PACS2: variants seen among roughly 807,000 people sequenced by gnomAD.
The protein encoded by PACS2 is phosphofurin acidic cluster sorting protein 2.
In PACS2, 36 loss-of-function variants were observed where a neutral mutation model predicts 113.0. The ratio of observed to expected loss-of-function variants is 0.32; its 90% CI spans 0.24 to 0.42. The LOEUF is 0.42. PACS2 is among the 10% of genes least tolerant of loss of function. The pLI, the probability that PACS2 is intolerant of heterozygous loss-of-function variation, is 1.00. For synonymous variants in PACS2, 589 were observed against 536.1 expected, an observed-to-expected ratio of 1.10 and a Z score of -1.36; for missense variants, 1,015 against 1,239.5, an observed-to-expected ratio of 0.82 and a Z score of 2.72.
chr14:105,304,783 T>C (rs2058135856), intron 1 of PACS2, among the ~76,000 whole-genome samples: 1 of 152,254 alleles, frequency 6.6e-6, no homozygotes, highest in Non-Finnish European at 1.5e-5. Context: ...CTTACGTGGA[T>C]GGCAGCAGGG....
At chr14:105,344,072 C>T (rs74646516) in intron 1 of PACS2, among the ~76,000 whole-genome samples, 346 of 151,386 alleles carry the variant, frequency 2.3e-3, no homozygotes, top group Middle Eastern at 6.8e-3. Context: ...TGTGTGCTGC[C>T]GTACTTGGCT....
chr14:105,335,611 A>G (rs2059486262), intron 1 of PACS2, among the ~76,000 whole-genome samples: 1 of 152,164 alleles, frequency 6.6e-6, no homozygotes, highest in South Asian at 2.1e-4. Context: ...ATGGAGACCC[A>G]GTGGTCCTAG....
rs782569016 is a variant in PACS2, at chr14:105,369,837, G to A, written c.742-4G>A. ...GCTCTGACTCTGCACCGCCTGTCTTGCAGCAACAGAACTTCAAGCAGAAAG... is the reference window on the plus strand; with the variant it reads ...GCTCTGACTCTGCACCGCCTGTCTTACAGCAACAGAACTTCAAGCAGAAAG... On this transcript the variant is annotated splice_polypyrimidine_tract_variant and splice_region_variant and intron_variant, in intron 7 of 24. Transcript: ENST00000447393. 6 of 1,590,284 alleles carry A rather than the reference G, an allele frequency of 3.8e-6. No homozygotes were observed. The South Asian group carries it at 6.8e-5, about 18-fold the overall frequency.
intron 4 of PACS2, among the ~76,000 whole-genome samples, chr14:105,364,417 G>GGC (rs2060864860): frequency 7.1e-5 from 9 of 127,642 alleles, no homozygotes; most frequent in Middle Eastern, 3.6e-3. Flanking sequence ...CGCGGTGGGC[G>GGC]GTGTCCCGGG....
At chr14:105,310,462 AGAGCTTGCAGT>A (rs2058321798), upstream of PACS2, among the ~76,000 whole-genome samples, 1 of 146,070 alleles carries the variant, frequency 6.8e-6, no homozygotes, top group South Asian at 2.2e-4. Flanking sequence ...CCCGGGAGGC[AGAGCTTGCAGT>A]GAGCTGAGAT....
rs1265873717 is a variant in PACS2, at chr14:105,365,080, C to CTG, written c.424-2132_424-2131dup. ...GGTCAGGGGTGGAGGGAGCTGGGCCCTGGGGCCACCCTCCCTGGTGAGGCA... is the reference window on the plus strand; with the variant it reads ...GGTCAGGGGTGGAGGGAGCTGGGCCCTGTGGGGCCACCCTCCCTGGTGAGGCA... On this transcript the variant is annotated intron_variant, in intron 4 of 24. Coordinates refer to ENST00000447393, the MANE Select transcript of PACS2 (RefSeq NM_001100913.3). This position sits in a 1 kb window ranked among gnomAD's most constrained non-coding sequence, Gnocchi z 5.1. 1.3e-5 allele frequency among the ~76,000 whole-genome samples: 2 copies of CTG among 152,218 alleles called. No homozygotes were observed. Among genetic ancestry groups the CTG allele is most frequent in the Non-Finnish European group, 2.9e-5 (2 of 68,030 alleles).
chr14:105,392,981 G>T, intron 23 of PACS2, 136 bp downstream of exon 23: 2 of 724,084 alleles, frequency 2.8e-6, no homozygotes, highest in East Asian at 2.7e-5. Flanking sequence ...GGCGGGTGGG[G>T]TGAGGGAGCC....
chr14:105,385,069 C>A, intron 18 of PACS2, 82 bp downstream of exon 18: 3 of 924,616 alleles, frequency 3.2e-6, no homozygotes, highest in Non-Finnish European at 5.2e-6. Context: ...CGCTGCTGGG[C>A]TTGGCCTGGT....
upstream of PACS2, among the ~76,000 whole-genome samples, chr14:105,312,375 A>T (rs2140711669): frequency 6.6e-6 from 1 of 152,340 alleles, no homozygotes; most frequent in South Asian, 2.1e-4. Flanking sequence ...CCCGGGCAGC[A>T]CGTGGTAGGA....
chr14:105,377,060 C>T, intron 9 of PACS2, 135 bp downstream of exon 9: 1 of 934,714 alleles, frequency 1.1e-6, no homozygotes. Flanking sequence ...CCTGGGAAGG[C>T]TCTGGTGGCT....
At position 105,395,957 on chromosome 14, in the gene PACS2, A is replaced by G. The variant is rs150604893; in HGVS notation, c.*1285A>G. On this transcript the variant is annotated 3_prime_UTR_variant, in exon 25 of 25. Transcript: ENST00000447393. Reference sequence around the variant, plus strand: ...GGGGCTCTTGGCCTGGTTTCGTAAGATGGAGCACTGCAAAAGGCCATGCTC... The same window carrying G: ...GGGGCTCTTGGCCTGGTTTCGTAAGGTGGAGCACTGCAAAAGGCCATGCTC... 1 of 152,348 alleles carries G rather than the reference A, an allele frequency of 6.6e-6. No individual in the cohort carries two copies. The highest frequency in any genetic ancestry group is 1.5e-5 in the Non-Finnish European group (1 of 68,064). 9.4% of individuals were successfully genotyped at this position (152,348 alleles called of 1,614,324 possible).
intron 5 of PACS2, 47 bp from the exon 6 acceptor site, chr14:105,368,027 C>A: frequency 7.6e-7 from 1 of 1,313,782 alleles, no homozygotes; most frequent in South Asian, 1.2e-5. Flanking sequence ...CCTGGTTTCC[C>A]GGGTGGAATC....
chr14:105,382,854 G>C lies in PACS2; in HGVS notation c.1566G>C (p.Thr522=). Residue 522 remains threonine (T), a synonymous_variant, in exon 15 of 25, where the codon ACG becomes ACC. Transcript: ENST00000447393. The stretch of plus-strand genomic sequence containing the variant: ...GGCACACGCTCCCCGTGGTGTGCAC[G>C]TGCTCTCCTGCGGACGTCCAGGCGG... The part of the protein sequence containing the change: ...LQRHTLPVVC[T]CSPADVQAAF... 6.2e-7 allele frequency: 1 copy of C among 1,607,546 alleles called. No individual in the cohort carries two copies. Among genetic ancestry groups the C allele is most frequent in the Non-Finnish European group, 8.5e-7 (1 of 1,179,508 alleles).
At chr14:105,353,044 C>G (rs2060275139) in intron 3 of PACS2, among the ~76,000 whole-genome samples, 1 of 119,502 alleles carries the variant, frequency 8.4e-6, no homozygotes, top group South Asian at 3.0e-4. Context: ...CCATCACTGT[C>G]CCCTGGGGAG....
At chr14:105,369,808 G>T in intron 7 of PACS2, 33 bp from the exon 8 acceptor site, 1 of 1,535,008 alleles carries the variant, frequency 6.5e-7, no homozygotes, top group Non-Finnish European at 8.8e-7. Flanking sequence ...CAGCTCTGGC[G>T]GCGGCTCTGA....
intron 20 of PACS2, 195 bp downstream of exon 20, chr14:105,390,198 T>G: frequency 3.1e-6 from 2 of 645,514 alleles, no homozygotes; most frequent in Non-Finnish European, 2.8e-6. Context: ...GGCCAGAGGT[T>G]GTTAGTTCCC....
At chr14:105,350,184 G>GCT (rs1227543362) in intron 2 of PACS2, among the ~76,000 whole-genome samples, 3 of 152,152 alleles carry the variant, frequency 2.0e-5, no homozygotes, top group Non-Finnish European at 4.4e-5. Context: ...GGAACAGGGA[G>GCT]CTCTCTGTGG....
chr14:105,362,676 T>C (rs2060773111), intron 4 of PACS2, among the ~76,000 whole-genome samples: 1 of 151,540 alleles, frequency 6.6e-6, no homozygotes, highest in Admixed American at 6.6e-5. Flanking sequence ...CATGTTGAAA[T>C]GCCATCTCTG....
chr14:105,364,508 C>CGGCGGCCCG (rs1555407502), intron 4 of PACS2, among the ~76,000 whole-genome samples: 24 of 147,330 alleles, frequency 1.6e-4, no homozygotes, highest in African/African-American at 6.0e-4. Context: ...GCGCGGTGGG[C>CGGCGGCCCG]GGTGGCCTGG....
Sources: allele counts gnomAD v4.1 joint callset (sites outside exome capture counted in the v4.1 genomes callset), GRCh38; gene constraint gnomAD v4.1.1; non-coding constraint Gnocchi (gnomAD v3.1); transcripts MANE v1.5; gene names NCBI Gene and HGNC (gene_info 2026-07-23, HGNC 2026-07-21).